ZNF106: variants seen among roughly 807,000 people sequenced by gnomAD.
ZNF106 encodes the protein SH3-domain binding protein 3.
A neutral mutation model predicts 195.1 loss-of-function variants in ZNF106; 67 were observed. The ratio of observed to expected loss-of-function variants is 0.34; its 90% CI spans 0.28 to 0.42. The LOEUF is 0.42. Among genes scored for constraint, ZNF106 ranks in the 10% least tolerant of loss-of-function variants. The probability of loss-of-function intolerance (pLI) is 1.00; values close to 1 mark genes in which losing one functional copy is unlikely to be tolerated. For synonymous variants in ZNF106, 784 were observed against 818.6 expected (o/e 0.96, Z 0.72); for missense variants, 2,118 against 2,304.5 (o/e 0.92, Z 1.66).
At chr15:42,438,783 A>G (rs925042201) in intron 11 of ZNF106, 116 bp from the exon 12 acceptor site, 4 of 970,434 alleles carry the variant, frequency 4.1e-6, no homozygotes, top group Non-Finnish European at 6.2e-6. Flanking sequence ...GCAATGATAT[A>G]AGAGATTAGA....
At chr15:42,422,064 T>C (rs1424727112) in intron 18 of ZNF106, 76 bp from the exon 19 acceptor site, 2 of 1,279,440 alleles carry the variant, frequency 1.6e-6, no homozygotes, top group East Asian at 4.8e-5. Context: ...TAAAGGCCTT[T>C]GGCAGGTTTA....
chr15:42,428,989 T>G (rs1465741295), intron 14 of ZNF106, among the ~76,000 whole-genome samples: 1 of 151,144 alleles, frequency 6.6e-6, no homozygotes, highest in Non-Finnish European at 1.5e-5. Flanking sequence ...ATGGTCTCGA[T>G]CTCCTGACCT....
At position 42,450,518 on chromosome 15, in the gene ZNF106, T is replaced by C; in HGVS notation, c.1754A>G (p.Tyr585Cys). 1 of 1,614,166 alleles carries C rather than the reference T, an allele frequency of 6.2e-7. No homozygotes were observed. The change falls in exon 5 of 22, where the codon TAT becomes TGT. Residue 585 changes from tyrosine (Y) to cysteine (C), a missense_variant. Coordinates refer to ENST00000564754, the MANE Select transcript of ZNF106 (RefSeq NM_001366845.3). ...TTCTACATTTCTACTTGCTTTTGCA[T>C]AGTTCCTGGTACTTTTAGAAGTGCT... ...LLSTSKSTRN[Y>C]AKASRNVEES...
In ZNF106 at chr15:42,472,213, G is replaced by A. The variant is rs1374308184; in HGVS notation, c.54+23C>T. ...TTTAAAAAATAGTCATAAAGCCTCAGATTCTCCCTCTTCCATTATTACCTT... is the reference window on the plus strand; with the variant it reads ...TTTAAAAAATAGTCATAAAGCCTCAAATTCTCCCTCTTCCATTATTACCTT... On this transcript the variant is annotated intron_variant, in intron 2 of 21. Transcript: ENST00000564754. 12 of 1,532,080 alleles carry A rather than the reference G, an allele frequency of 7.8e-6. No homozygotes were observed. In the Admixed American group the frequency reaches 7.9e-5, roughly 10 times the overall value. 94.9% of individuals were successfully genotyped at this position (1,532,080 alleles called of 1,614,324 possible). A position where few individuals can be genotyped will look rare whatever the true frequency, so the allele number is the denominator to read the frequency against.
chr15:42,490,409 A>T (rs1283344385), intron 1 of ZNF106: 1 of 152,172 alleles, frequency 6.6e-6, no homozygotes, highest in African/African-American at 2.4e-5. Flanking sequence ...ACTCTCAAAG[A>T]TGATTACACA....
chr15:42,455,096 G>A (rs1333985894), intron 4 of ZNF106, among the ~76,000 whole-genome samples: 1 of 152,154 alleles, frequency 6.6e-6, no homozygotes, highest in Non-Finnish European at 1.5e-5. Flanking sequence ...ACTGCCTAAA[G>A]CAGGATAAAG....
chr15:42,482,002 C>G (rs918300659), intron 1 of ZNF106, among the ~76,000 whole-genome samples: 9 of 152,146 alleles, frequency 5.9e-5, no homozygotes, highest in Admixed American at 4.6e-4. Flanking sequence ...GATCCCAGGT[C>G]ACTGAGGATG....
chr15:42,436,043 T>C (rs1002962451), intron 13 of ZNF106, among the ~76,000 whole-genome samples: 4 of 151,274 alleles, frequency 2.6e-5, no homozygotes, highest in African/African-American at 9.7e-5. Flanking sequence ...AAGCTCTGCC[T>C]CCTGGGTTCA....
chr15:42,484,025 A>C (rs1292007433), intron 1 of ZNF106, among the ~76,000 whole-genome samples: 1 of 152,204 alleles, frequency 6.6e-6, no homozygotes, highest in Non-Finnish European at 1.5e-5. Flanking sequence ...ACTGTAGAGC[A>C]GCAATTCTCA....
Position 42,471,360 on chromosome 15 carries a change from G to T in ZNF106, c.54+876C>A, listed in dbSNP as rs537020001. On this transcript the variant is annotated intron_variant, in intron 2 of 21. Transcript: ENST00000564754. ...AAATTCCTCAGTATTTAAACTAGCAGCACTACTCTGAAAGCAAATGATAAA... is the reference window on the plus strand; with the variant it reads ...AAATTCCTCAGTATTTAAACTAGCATCACTACTCTGAAAGCAAATGATAAA... 1.8e-3 allele frequency among the ~76,000 whole-genome samples: 271 copies of T among 152,248 alleles called. 1 individual carries two copies. The highest frequency in any genetic ancestry group is 2.9e-3 in the Non-Finnish European group (198 of 68,032).
Position 42,421,190 on chromosome 15 carries a change from C to G in ZNF106, c.5446-58G>C, listed in dbSNP as rs538980515. 3.2e-4 allele frequency: 481 copies of G among 1,510,232 alleles called. 2 individuals are homozygous for G. In the African/African-American group the frequency reaches 6.3e-3, roughly 20 times the overall value. The allele number at this position is 1,510,232 out of a possible 1,614,324, so 93.6% of individuals were successfully genotyped here. A position where few individuals can be genotyped will look rare whatever the true frequency, so the allele number is the denominator to read the frequency against. On this transcript the variant is annotated intron_variant, in intron 19 of 21. Transcript: ENST00000564754. ...AAATACATACAAACTACAAAACACCCTCAAAACAAGAGTCACAAGCTCCTT... is the reference window on the plus strand; with the variant it reads ...AAATACATACAAACTACAAAACACCGTCAAAACAAGAGTCACAAGCTCCTT...
At position 42,413,571 on chromosome 15, in the gene ZNF106, T is replaced by G. The variant is rs2054340894; in HGVS notation, c.*3733A>C. ...ATAAAATAAACCATTCCACTAAGTATATACCTACTCCCACCAAATCATCCA... is the reference window on the plus strand; with the variant it reads ...ATAAAATAAACCATTCCACTAAGTAGATACCTACTCCCACCAAATCATCCA... On this transcript the variant is annotated 3_prime_UTR_variant, in exon 22 of 22. Transcript: ENST00000564754. 6.6e-6 allele frequency: 1 copy of G among 152,660 alleles called. No homozygotes were observed. Among genetic ancestry groups the G allele is most frequent in the Non-Finnish European group, 1.5e-5 (1 of 68,040 alleles). The allele number at this position is 152,660 out of a possible 1,614,324, so 9.5% of individuals were successfully genotyped here.
intron 16 of ZNF106, 46 bp downstream of exon 16, chr15:42,424,788 C>T: frequency 1.9e-6 from 3 of 1,580,768 alleles, no homozygotes; most frequent in Non-Finnish European, 2.6e-6. Context: ...CCTCAAAACC[C>T]TTCTATTTGT....
At chr15:42,419,063 CAAAAA>C (rs367772491) in intron 20 of ZNF106, among the ~76,000 whole-genome samples, 3 of 105,780 alleles carry the variant, frequency 2.8e-5, no homozygotes, top group Non-Finnish European at 2.0e-5. Flanking sequence ...CTTTCTCTAC[CAAAAA>C]AAAAAAAAAA....
chr15:42,447,930 G>T, intron 6 of ZNF106, 142 bp downstream of exon 6: 1 of 973,720 alleles, frequency 1.0e-6, no homozygotes, highest in Non-Finnish European at 1.5e-6. Context: ...CCAGTAGGAT[G>T]AAAGTAAGAA....
chr15:42,428,131 G>C lies in ZNF106; in HGVS notation c.4885C>G (p.Arg1629Gly). ...AGCTGTAACTGCTCCACACACTCTC[G>C]GCTCTGATAAAAGCACACAACCTTT... ...HTIRCYNVKS[R>G]ECVEQLQLED... Residue 1629 changes from arginine to glycine, a missense_variant, in exon 15 of 22, where the codon CGA becomes GGA. By Grantham distance (125) the Arg-to-Gly change is moderately radical. Transcript: ENST00000564754. The C allele has an allele frequency of 1.9e-6, 3 of 1,613,590 alleles. No homozygotes were observed. The highest frequency in any genetic ancestry group is 2.2e-5 in the East Asian group (1 of 44,862).
chr15:42,417,955 G>C lies in ZNF106; in HGVS notation c.5518-4C>G. 6.2e-7 allele frequency: 1 copy of C among 1,611,036 alleles called. No homozygotes were observed. The highest frequency in any genetic ancestry group is 1.3e-5 in the African/African-American group (1 of 74,764). On this transcript the variant is annotated splice_polypyrimidine_tract_variant and splice_region_variant and intron_variant, in intron 20 of 21. Coordinates refer to ENST00000564754, the MANE Select transcript of ZNF106 (RefSeq NM_001366845.3). The stretch of plus-strand genomic sequence containing the variant: ...ATATCAGAGAGCAACCATGCCACTG[G>C]AGAGAAAGAAAATGAGGAGACTCGG...
At position 42,439,710 on chromosome 15, in the gene ZNF106, A is replaced by G. The variant is rs2055428417; in HGVS notation, c.3867T>C (p.Phe1289=). The change falls in exon 11 of 22, where the codon TTT becomes TTC. Residue 1289 remains phenylalanine, a synonymous_variant. Coordinates refer to ENST00000564754, the MANE Select transcript of ZNF106 (RefSeq NM_001366845.3). ...SFHEPSQELK[F]SVEQRNTRNR... is the part of the protein sequence containing the mutation. ...TTCTGGTATTTCTTTGCTCCACAGA[A>G]AACTTCAGTTCTTGGCTAGGCTCAT... is the stretch of plus-strand genomic sequence containing the variant. 2 of 1,613,906 alleles carry G rather than the reference A, an allele frequency of 1.2e-6. No individual in the cohort carries two copies.
chr15:42,418,946 T>A (rs1290665459), intron 20 of ZNF106, among the ~76,000 whole-genome samples: 2 of 151,148 alleles, frequency 1.3e-5, no homozygotes, highest in Non-Finnish European at 2.9e-5. Context: ...TCCTAAGTGG[T>A]GGCTCAGTGG....
Sources: allele counts gnomAD v4.1 joint callset (sites outside exome capture counted in the v4.1 genomes callset), GRCh38; gene constraint gnomAD v4.1.1; transcripts MANE v1.5; gene names NCBI Gene and HGNC (gene_info 2026-07-23, HGNC 2026-07-21).